Variants in UBE2V2 observed in about 807,000 individuals in gnomAD.
UBE2V2 encodes the protein ubiquitin-conjugating enzyme E2 variant 2.
UBE2V2 carries 9 observed loss-of-function variants against 17.2 expected under a neutral mutation model. The observed-to-expected ratio is 0.52, with a 90% CI of 0.32 to 0.91. The LOEUF (loss-of-function observed/expected upper bound fraction) is 0.91. Ranked by LOEUF, UBE2V2 falls within the 40% of genes least tolerant of loss-of-function variation. The probability of loss-of-function intolerance (pLI) is 0.04; values close to 1 mark genes in which losing one functional copy is unlikely to be tolerated. For missense variants in UBE2V2, 133 were observed against 182.6 expected, an observed-to-expected ratio of 0.73 and a Z score of 1.56; for synonymous variants, 61 against 57.5, an observed-to-expected ratio of 1.06 and a Z score of -0.28.
chr8:48,004,909 GCCTTAA>G (rs1303945840), upstream of UBE2V2, among the ~76,000 whole-genome samples: 1 of 151,406 alleles, frequency 6.6e-6, no homozygotes, highest in Non-Finnish European at 1.5e-5. Flanking sequence ...ACTCACTGAA[GCCTTAA>G]CCTCCTGGCT....
chr8:48,009,123 A>G (rs1160723686), intron 1 of UBE2V2, among the ~76,000 whole-genome samples: 1 of 152,176 alleles, frequency 6.6e-6, no homozygotes, highest in Admixed American at 6.5e-5. Flanking sequence ...TTCCTACTGA[A>G]TACAATGTTT....
At chr8:48,008,856 AG>A (rs567926609) in intron 1 of UBE2V2, among the ~76,000 whole-genome samples, 25 of 152,258 alleles carry the variant, frequency 1.6e-4, no homozygotes, top group African/African-American at 6.0e-4. Flanking sequence ...CCGGCACCGA[AG>A]ATGGGTCAGG....
intron 1 of UBE2V2, among the ~76,000 whole-genome samples, chr8:48,036,000 G>T (rs890690888): frequency 7.0e-6 from 1 of 142,608 alleles, no homozygotes; most frequent in Non-Finnish European, 1.5e-5. Context: ...ACCCAGGCTA[G>T]AGTGTGGTGG....
intron 1 of UBE2V2, among the ~76,000 whole-genome samples, chr8:48,010,385 G>A (rs561457998): frequency 6.8e-6 from 1 of 146,086 alleles, no homozygotes; most frequent in African/African-American, 2.5e-5. Flanking sequence ...GTGAGCCACC[G>A]TTCCCATCTA....
At chr8:48,005,069 T>C (rs1421221152), upstream of UBE2V2, among the ~76,000 whole-genome samples, 3 of 149,400 alleles carry the variant, frequency 2.0e-5, no homozygotes, top group Non-Finnish European at 4.4e-5. Flanking sequence ...GGGCAGAACA[T>C]GCAGGTTTGT....
chr8:48,004,808 C>T (rs892231491), upstream of UBE2V2, among the ~76,000 whole-genome samples: 1 of 151,444 alleles, frequency 6.6e-6, no homozygotes, highest in Non-Finnish European at 1.5e-5. Context: ...GGATTACAGG[C>T]GTGAGCCACC....
intron 1 of UBE2V2, among the ~76,000 whole-genome samples, chr8:48,015,050 CAAA>C (rs1173137634): frequency 7.8e-5 from 5 of 63,738 alleles, no homozygotes; most frequent in Admixed American, 3.7e-4. Context: ...ACTCCATCTC[CAAA>C]AAAAAAAAAA....
At chr8:48,031,490 G>C (rs2091382821) in intron 1 of UBE2V2, among the ~76,000 whole-genome samples, 1 of 151,974 alleles carries the variant, frequency 6.6e-6, no homozygotes, top group South Asian at 2.1e-4. Context: ...GGTGGTTTTG[G>C]TTACAACCTA....
intron 3 of UBE2V2, among the ~76,000 whole-genome samples, chr8:48,057,879 G>C (rs1318716429): frequency 6.6e-6 from 1 of 152,070 alleles, no homozygotes; most frequent in Non-Finnish European, 1.5e-5. Flanking sequence ...TTCTTTAGTG[G>C]ATTCCTTTGA....
rs143395140 is a variant in UBE2V2, at chr8:48,044,124, G to A, written c.165+943G>A. On this transcript the variant is annotated intron_variant, in intron 2 of 3. Coordinates refer to ENST00000523111, the MANE Select transcript of UBE2V2 (RefSeq NM_003350.3). The stretch of plus-strand genomic sequence containing the variant: ...AGCATTTTAACTGTTTTGCTCTTGG[G>A]TAGAGTTTAGAGTTCCTCCTGATGA... Among the ~76,000 whole-genome samples the A allele has an allele frequency of 1.4e-3, 220 of 152,140 alleles. 1 individual carries two copies. Among genetic ancestry groups the A allele is most frequent in the African/African-American group, 4.9e-3 (202 of 41,514 alleles).
intron 2 of UBE2V2, among the ~76,000 whole-genome samples, chr8:48,044,336 A>G (rs982739689): frequency 2.0e-5 from 3 of 152,068 alleles, no homozygotes; most frequent in African/African-American, 7.2e-5. Context: ...TTTTGTAGAG[A>G]TGGGGTTTCA....
intron 1 of UBE2V2, among the ~76,000 whole-genome samples, chr8:48,040,212 G>GT (rs983768192): frequency 4.6e-5 from 7 of 151,738 alleles, no homozygotes; most frequent in Non-Finnish European, 1.5e-5. Context: ...ATTCGATTTT[G>GT]TTTTTTGGGG....
In UBE2V2 at chr8:48,023,401, A is replaced by G. The variant is rs548005230; in HGVS notation, c.16+14931A>G. ...CAGCTGATTTTTGTATTTTTAGTAG[A>G]GACGGGGTTTCACCATGTTTGCCAG... On this transcript the variant is annotated intron_variant, in intron 1 of 3. Transcript: ENST00000523111. Among the ~76,000 whole-genome samples the G allele has an allele frequency of 3.3e-5, 5 of 151,792 alleles. No homozygotes were observed. In the East Asian group the frequency reaches 7.9e-4, roughly 24 times the overall value.
intron 3 of UBE2V2, among the ~76,000 whole-genome samples, chr8:48,052,062 A>T (rs953380581): frequency 6.6e-6 from 1 of 152,118 alleles, no homozygotes; most frequent in Non-Finnish European, 1.5e-5. Flanking sequence ...CTATTTTTCT[A>T]CATGTTTCTT....
chr8:48,028,131 G>A (rs1433727530), intron 1 of UBE2V2, among the ~76,000 whole-genome samples: 1 of 151,786 alleles, frequency 6.6e-6, no homozygotes, highest in African/African-American at 2.4e-5. Context: ...GGATTTACAG[G>A]CATGAGCCAC....
Position 48,021,416 on chromosome 8 carries a change from C to G in UBE2V2, c.16+12946C>G, listed in dbSNP as rs372288174. On this transcript the variant is annotated intron_variant, in intron 1 of 3. Coordinates refer to ENST00000523111, the MANE Select transcript of UBE2V2 (RefSeq NM_003350.3). ...CTGCCTCCCAGGTTCATGCCATTCTCCTGCCTCATCCTCCTGAGTAGCTGG... is the reference window on the plus strand; with the variant it reads ...CTGCCTCCCAGGTTCATGCCATTCTGCTGCCTCATCCTCCTGAGTAGCTGG... Among the ~76,000 whole-genome samples the G allele has an allele frequency of 1.7e-4, 25 of 150,972 alleles. No individual in the cohort carries two copies. The South Asian group carries it at 5.2e-3, about 32-fold the overall frequency.
upstream of UBE2V2, chr8:48,008,426 C>G (rs371620636): frequency 4.4e-3 from 6,808 of 1,561,018 alleles, 20 homozygotes; most frequent in Non-Finnish European, 5.4e-3. Context: ...TGCGTGCGTG[C>G]GGGCGGCTGC....
chr8:48,019,079 A>G (rs1171787110), intron 1 of UBE2V2, among the ~76,000 whole-genome samples: 1 of 152,072 alleles, frequency 6.6e-6, no homozygotes, highest in East Asian at 1.9e-4. Context: ...AAAAATACAA[A>G]AATTGGACCA....
At chr8:48,013,911 A>T (rs1417676978) in intron 1 of UBE2V2, among the ~76,000 whole-genome samples, 10 of 152,180 alleles carry the variant, frequency 6.6e-5, no homozygotes, top group Non-Finnish European at 1.5e-5. Context: ...ATCACTAAAC[A>T]TTGCTTTTCC....
Sources: gnomAD v4.1 joint callset for allele counts (sites outside exome capture counted in the v4.1 genomes callset) on GRCh38, gnomAD v4.1.1 for gene constraint, MANE v1.5 for transcripts, NCBI Gene and HGNC (gene_info 2026-07-23, HGNC 2026-07-21) for gene names.